Variants in ZC3H12C observed in about 807,000 individuals in gnomAD.
ZC3H12C encodes probable ribonuclease ZC3H12C.
A neutral mutation model predicts 76.3 loss-of-function variants in ZC3H12C; 20 were observed. The observed-to-expected ratio is 0.26, with a 90% CI of 0.18 to 0.38. The LOEUF is 0.38. ZC3H12C is among the 10% of genes least tolerant of loss of function. The pLI is 1.00. For synonymous variants in ZC3H12C, 352 were observed against 399.6 expected, an observed-to-expected ratio of 0.88 and a Z score of 1.42; for missense variants, 874 against 1,086.5, an observed-to-expected ratio of 0.80 and a Z score of 2.75.
intron 1 of ZC3H12C, among the ~76,000 whole-genome samples, chr11:110,117,048 C>T (rs1453842654): frequency 1.3e-5 from 2 of 152,224 alleles, no homozygotes; most frequent in Non-Finnish European, 2.9e-5. Context: ...TTTATAGGAA[C>T]AAGTGGTCCA....
In ZC3H12C at chr11:110,164,804, G is replaced by T; in HGVS notation, c.1719G>T (p.Met573Ile). Reference sequence around the variant, plus strand: ...CAACCAAAAATCATGGAACGCCAATGCCTTATGAACAGTATCCAAAATGTG... The same window carrying T: ...CAACCAAAAATCATGGAACGCCAATTCCTTATGAACAGTATCCAAAATGTG... ...MMATKNHGTP[M>I]PYEQYPKCDS... is the part of the protein sequence containing the mutation. Residue 573 changes from methionine to isoleucine, a missense_variant, in exon 6 of 6, where the codon ATG becomes ATT. Coordinates refer to ENST00000278590, the MANE Select transcript of ZC3H12C (RefSeq NM_033390.2). This position sits in a 1 kb window ranked among gnomAD's most constrained non-coding sequence, Gnocchi z 5.7. 1.9e-6 allele frequency: 3 copies of T among 1,613,996 alleles called. No homozygotes were observed. Among genetic ancestry groups the T allele is most frequent in the Non-Finnish European group, 2.5e-6 (3 of 1,179,890 alleles).
rs1280147488 is a variant in ZC3H12C at position 110,169,750 on chromosome 11, A to C, written c.*4013A>C. On this transcript the variant is annotated 3_prime_UTR_variant, in exon 6 of 6. Transcript: ENST00000278590. The stretch of plus-strand genomic sequence containing the variant: ...ATAAGAGAAAACAGTAGTGTTAATA[A>C]AAGTAAAGAAACATACACTATCTTA... 6.6e-6 allele frequency: 1 copy of C among 152,228 alleles called. No homozygotes were observed. The highest frequency in any genetic ancestry group is 1.5e-5 in the Non-Finnish European group (1 of 68,028). The allele number at this position is 152,228 out of a possible 1,614,324, so 9.4% of individuals were successfully genotyped here. A position where few individuals can be genotyped will look rare whatever the true frequency, so the allele number is the denominator to read the frequency against.
At chr11:110,124,351 T>C (rs1477599115) in intron 1 of ZC3H12C, 1 of 86,258 alleles carries the variant, frequency 1.2e-5, no homozygotes, top group African/African-American at 4.5e-5. Context: ...CAGGGGTCTA[T>C]TTTTTTTTTA....
chr11:110,094,321 C>G (rs1377560438), intron 1 of ZC3H12C, among the ~76,000 whole-genome samples: 1 of 152,148 alleles, frequency 6.6e-6, no homozygotes, highest in Non-Finnish European at 1.5e-5. Context: ...GCCCATCAGG[C>G]GCTTATTGAT....
chr11:110,140,023 C>G (rs996436333), intron 2 of ZC3H12C, among the ~76,000 whole-genome samples: 1 of 152,010 alleles, frequency 6.6e-6, no homozygotes, highest in South Asian at 2.1e-4. Context: ...CAATTAAGGC[C>G]GGGCACAGTG....
rs190719357 is a variant in ZC3H12C at position 110,131,192 on chromosome 11, A to G, written c.22-5471A>G. 465 of 1,024,126 alleles carry G rather than the reference A, an allele frequency of 4.5e-4. 4 individuals are homozygous for G. In the East Asian group the frequency reaches 0.011, roughly 24 times the overall value. The allele number at this position is 1,024,126 out of a possible 1,614,324, so 63.4% of individuals were successfully genotyped here. A position where few individuals can be genotyped will look rare whatever the true frequency, so the allele number is the denominator to read the frequency against. ...TAATTTGAACTCTGTAAAAGAAATC[A>G]CCTCCAATGAAAGTCTACAAATTAT... On this transcript the variant is annotated intron_variant, in intron 1 of 5. Coordinates refer to ENST00000278590, the MANE Select transcript of ZC3H12C (RefSeq NM_033390.2).
At position 110,164,740 on chromosome 11, in the gene ZC3H12C, A is replaced by G; in HGVS notation, c.1655A>G (p.Asp552Gly). Reference sequence around the variant, plus strand: ...TCTGGAGTTCATTTCCCACCTCAGGATCAAAGACCACAGGGACAATATCCT... The same window carrying G: ...TCTGGAGTTCATTTCCCACCTCAGGGTCAAAGACCACAGGGACAATATCCT... Reference protein sequence around the residue: ...LPSGVHFPPQDQRPQGQYPSM... With the variant: ...LPSGVHFPPQGQRPQGQYPSM... Residue 552 changes from aspartate to glycine, a missense_variant, in exon 6 of 6, where the codon GAT becomes GGT. This residue lies in a region of ZC3H12C where 395 missense variants were observed against 434.4 expected (regional missense o/e 0.91). Transcript: ENST00000278590. The surrounding 1 kb of genome is among the most constrained non-coding windows in gnomAD (Gnocchi z 5.7). 6.2e-7 allele frequency: 1 copy of G among 1,614,036 alleles called. No individual in the cohort carries two copies. Among genetic ancestry groups the G allele is most frequent in the South Asian group, 1.1e-5 (1 of 91,082 alleles).
At chr11:110,132,185 G>C (rs1861879246) in intron 1 of ZC3H12C, among the ~76,000 whole-genome samples, 1 of 152,060 alleles carries the variant, frequency 6.6e-6, no homozygotes, top group South Asian at 2.1e-4. Context: ...CAAGTTTATG[G>C]TCTAATATTC....
At position 110,137,201 on chromosome 11, in the gene ZC3H12C, G is replaced by A; in HGVS notation, c.560G>A (p.Gly187Asp). The change falls in exon 2 of 6, where the codon GGT becomes GAT. Residue 187 changes from glycine to aspartate, a missense_variant. Around this residue, in one of 3 missense-constraint regions of ZC3H12C, gnomAD observed 210 missense variants for 227.1 expected, o/e 0.92. Coordinates refer to ENST00000278590, the MANE Select transcript of ZC3H12C (RefSeq NM_033390.2). ...GTTCAGCTTGTACTAAACAAACTTG[G>A]TACTGATGCTTTAATCAATGATATT... is the stretch of plus-strand genomic sequence containing the variant. Reference protein sequence around the residue: ...EQVQLVLNKLGTDALINDILG... With the variant: ...EQVQLVLNKLDTDALINDILG... 6.2e-7 allele frequency: 1 copy of A among 1,613,882 alleles called. No individual in the cohort carries two copies. The highest frequency in any genetic ancestry group is 1.1e-5 in the South Asian group (1 of 91,040).
intron 1 of ZC3H12C, among the ~76,000 whole-genome samples, chr11:110,116,804 G>A (rs1368462263): frequency 6.6e-6 from 1 of 152,100 alleles, no homozygotes; most frequent in African/African-American, 2.4e-5. Context: ...TTATATTTGA[G>A]GAAAATGAGA....
At chr11:110,128,694 G>A (rs918625389) in intron 1 of ZC3H12C, among the ~76,000 whole-genome samples, 1 of 152,024 alleles carries the variant, frequency 6.6e-6, no homozygotes, top group Non-Finnish European at 1.5e-5. Context: ...CAGCTATTAA[G>A]TTTTATTAGG....
intron 3 of ZC3H12C, among the ~76,000 whole-genome samples, chr11:110,154,829 T>G (rs539451928): frequency 1.3e-4 from 3 of 22,782 alleles, no homozygotes; most frequent in South Asian, 2.4e-3. Context: ...CTCATACAGC[T>G]TGATTAAAAA....
At chr11:110,105,804 G>C (rs913598082) in intron 1 of ZC3H12C, among the ~76,000 whole-genome samples, 1 of 152,018 alleles carries the variant, frequency 6.6e-6, no homozygotes, top group African/African-American at 2.4e-5. Context: ...TTTATTAGCT[G>C]AATGGCATTC....
In ZC3H12C at chr11:110,117,665, CAT is replaced by C. The variant is rs1309815719; in HGVS notation, c.22-18987_22-18986del. Reference sequence around the variant, plus strand: ...ATATATATATATACACACACACACACATATATATATATTATATATATACACAC... The same window carrying C: ...ATATATATATATACACACACACACACATATATATATTATATATATACACAC... On this transcript the variant is annotated intron_variant, in intron 1 of 5. Transcript: ENST00000278590. Among the ~76,000 whole-genome samples, 49 of 141,548 alleles carry C rather than the reference CAT, an allele frequency of 3.5e-4. No individual in the cohort carries two copies. The South Asian group carries it at 4.0e-3, about 11-fold the overall frequency. The allele number at this position is 141,548 out of a possible 152,430, so 92.9% of individuals were successfully genotyped here. A position where few individuals can be genotyped will look rare whatever the true frequency, so the allele number is the denominator to read the frequency against.
At chr11:110,128,890 A>C (rs1019816459) in intron 1 of ZC3H12C, among the ~76,000 whole-genome samples, 1 of 54,850 alleles carries the variant, frequency 1.8e-5, no homozygotes, top group Non-Finnish European at 3.5e-5. Flanking sequence ...CACCACTAAC[A>C]AAAAAAAAAA....
intron 1 of ZC3H12C, among the ~76,000 whole-genome samples, chr11:110,104,070 G>C (rs1861272671): frequency 6.8e-6 from 1 of 146,580 alleles, no homozygotes; most frequent in African/African-American, 2.5e-5. Flanking sequence ...CTTCTAATCT[G>C]TTACCCAGGC....
intron 1 of ZC3H12C, among the ~76,000 whole-genome samples, chr11:110,123,064 G>A (rs546550990): frequency 6.6e-6 from 1 of 152,094 alleles, no homozygotes; most frequent in Non-Finnish European, 1.5e-5. Context: ...GTTTATTTCT[G>A]GAATTGTTTA....
intron 1 of ZC3H12C, among the ~76,000 whole-genome samples, chr11:110,133,762 A>G (rs1300988515): frequency 1.3e-5 from 2 of 152,204 alleles, no homozygotes; most frequent in African/African-American, 2.4e-5. Context: ...ATTACATGGT[A>G]TAGTAGGTTT....
chr11:110,162,807 G>T (rs760245686), intron 4 of ZC3H12C, among the ~76,000 whole-genome samples: 2 of 152,320 alleles, frequency 1.3e-5, no homozygotes, highest in Non-Finnish European at 2.9e-5. Flanking sequence ...CCATGGTGTA[G>T]TGTGTAAAGT....
Sources: gnomAD v4.1 joint callset for allele counts (sites outside exome capture counted in the v4.1 genomes callset) on GRCh38, gnomAD v4.1.1 for gene constraint, gnomAD v4.1.1 regional missense constraint, Gnocchi (gnomAD v3.1) non-coding constraint, MANE v1.5 for transcripts, NCBI Gene and HGNC (gene_info 2026-07-23, HGNC 2026-07-21) for gene names.